Variants in SLC38A6 observed in about 807,000 individuals in gnomAD.
SLC38A6 encodes N system amino acid transporter NAT-1.
In SLC38A6, 73 loss-of-function variants were observed where a neutral mutation model predicts 65.0. The ratio of observed to expected loss-of-function variants is 1.12; its 90% CI spans 0.93 to 1.37. The LOEUF is 1.37. SLC38A6 is among the 40% of genes most tolerant of loss of function. The pLI, the probability that SLC38A6 is intolerant of heterozygous loss-of-function variation, is 0.00. For synonymous variants in SLC38A6, 183 were observed against 178.8 expected (o/e 1.02, Z -0.19); for missense variants, 561 against 531.1 (o/e 1.06, Z -0.55).
chr14:61,076,400 C>T (rs1440832737), intron 15 of SLC38A6, among the ~76,000 whole-genome samples: 1 of 152,162 alleles, frequency 6.6e-6, no homozygotes, highest in African/African-American at 2.4e-5. Context: ...GGTTCTATGC[C>T]AAGCACATTC....
intron 15 of SLC38A6, among the ~76,000 whole-genome samples, chr14:61,078,025 A>C (rs981339416): frequency 6.6e-6 from 1 of 152,206 alleles, no homozygotes; most frequent in Non-Finnish European, 1.5e-5. Flanking sequence ...ATTTTTCTTT[A>C]GTTGGTAAAC....
At chr14:61,012,581 G>T (rs926950456) in intron 3 of SLC38A6, among the ~76,000 whole-genome samples, 2 of 152,126 alleles carry the variant, frequency 1.3e-5, no homozygotes, top group African/African-American at 4.8e-5. Context: ...CTGGTATGTT[G>T]TGTCTTTGTT....
chr14:61,010,546 A>C (rs1413263073), intron 3 of SLC38A6, among the ~76,000 whole-genome samples: 1 of 152,140 alleles, frequency 6.6e-6, no homozygotes, highest in Non-Finnish European at 1.5e-5. Flanking sequence ...ATCCATCTTG[A>C]ATTAATTTTT....
chr14:61,052,598 C>CA lies in SLC38A6; in HGVS notation c.*176dup. The CA allele has an allele frequency of 2.2e-6, 2 of 913,866 alleles. No homozygotes were observed. The highest frequency in any genetic ancestry group is 2.9e-6 in the Non-Finnish European group (2 of 689,050). The allele number at this position is 913,866 out of a possible 1,614,324, so 56.6% of individuals were successfully genotyped here. On this transcript the variant is annotated 3_prime_UTR_variant, in exon 16 of 16. Transcript: ENST00000267488. ...GAAGTAAGAGTGTGGCAGTTTTAAT[C>CA]AAAAAAAGAAACAAACTCGAAATGC... is the stretch of plus-strand genomic sequence containing the variant.
At position 61,050,524 on chromosome 14, in the gene SLC38A6, C is replaced by A; in HGVS notation, c.938C>A (p.Ser313Ter). 3 of 1,528,574 alleles carry A rather than the reference C, an allele frequency of 2.0e-6. No homozygotes were observed. The South Asian group carries it at 3.7e-5, about 19-fold the overall frequency. The allele number at this position is 1,528,574 out of a possible 1,614,324, so 94.7% of individuals were successfully genotyped here. ...ATTTTATTTACAGACAAAGTGGAGT[C>A]AGAATTACTAAAAGGTTATAGTAAA... The part of the protein sequence containing the change: ...GYLTFYDKVE[S>*]ELLKGYSKYL... The change falls in exon 13 of 16, where the codon TCA (serine) becomes TAA (stop). Residue 313 changes from serine (S) to a stop codon, truncating the protein, a stop_gained. Transcript: ENST00000267488. LOFTEE classifies it high-confidence loss of function.
chr14:61,016,392 C>T (rs1197116742), intron 4 of SLC38A6, among the ~76,000 whole-genome samples: 2 of 152,080 alleles, frequency 1.3e-5, no homozygotes, highest in East Asian at 3.9e-4. Context: ...TTGAACATTG[C>T]TACAAGATTA....
chr14:60,982,485 C>A (rs960835200), intron 1 of SLC38A6, 23 bp from the exon 2 acceptor site: 2 of 1,600,220 alleles, frequency 1.2e-6, no homozygotes, highest in African/African-American at 2.7e-5. Context: ...ACATTTAACA[C>A]TACTAAATTT....
At chr14:60,982,789 T>C in intron 2 of SLC38A6, 151 bp downstream of exon 2, 1 of 872,122 alleles carries the variant, frequency 1.1e-6, no homozygotes, top group Non-Finnish European at 1.7e-6. Context: ...TTGTTGCTAG[T>C]GTGTACCTTG....
At chr14:61,072,019 A>G (rs1362467012) in intron 15 of SLC38A6, among the ~76,000 whole-genome samples, 2 of 151,968 alleles carry the variant, frequency 1.3e-5, no homozygotes, top group Non-Finnish European at 2.9e-5. Flanking sequence ...CTTAGGCGAG[A>G]TGCTTAGTCT....
At chr14:61,028,675 G>GT (rs2040748956) in intron 5 of SLC38A6, among the ~76,000 whole-genome samples, 1 of 152,244 alleles carries the variant, frequency 6.6e-6, no homozygotes, top group East Asian at 1.9e-4. Flanking sequence ...TCAACCCACT[G>GT]AGACATAGCT....
rs912771712 is a variant in SLC38A6, at chr14:61,011,629, A to G, written c.311-4275A>G. Among the ~76,000 whole-genome samples, 73 of 152,284 alleles carry G rather than the reference A, an allele frequency of 4.8e-4. 1 individual carries two copies. Among genetic ancestry groups the G allele is most frequent in the African/African-American group, 1.5e-3 (62 of 41,562 alleles). On this transcript the variant is annotated intron_variant, in intron 3 of 15. Coordinates refer to ENST00000267488, the MANE Select transcript of SLC38A6 (RefSeq NM_153811.3). ...TTTGCCAAAGGCCTTTTCTGCATCT[A>G]TTGAGATAATCATGTGGTTTTTGTC...
chr14:61,039,537 T>G (rs2041646092), intron 8 of SLC38A6, among the ~76,000 whole-genome samples: 1 of 149,282 alleles, frequency 6.7e-6, no homozygotes, highest in Admixed American at 6.7e-5. Flanking sequence ...TTTTTTTTTT[T>G]TTTTTGTATT....
At chr14:61,082,936 TC>T (rs1414243250) in intron 16 of SLC38A6, among the ~76,000 whole-genome samples, 2 of 152,340 alleles carry the variant, frequency 1.3e-5, no homozygotes, top group East Asian at 3.9e-4. Flanking sequence ...CACAGTGTTT[TC>T]TCAGTGTCCT....
intron 6 of SLC38A6, chr14:61,034,079 C>T (rs559937368): frequency 2.6e-5 from 4 of 152,092 alleles, no homozygotes; most frequent in Admixed American, 6.6e-5. Context: ...CTCTAACATT[C>T]CATAACTGTG....
intron 16 of SLC38A6, among the ~76,000 whole-genome samples, chr14:61,080,264 T>TCC (rs1379417706): frequency 6.6e-6 from 1 of 152,122 alleles, no homozygotes; most frequent in Non-Finnish European, 1.5e-5. Flanking sequence ...CCTAATTCCA[T>TCC]CCCTCCAAAT....
chr14:61,055,100 C>CTTTTT (rs1594762769), downstream of SLC38A6, among the ~76,000 whole-genome samples: 1 of 31,830 alleles, frequency 3.1e-5, no homozygotes. Flanking sequence ...TTTTTTAAGT[C>CTTTTT]TTTTTCTTTT....
chr14:61,055,342 C>T, downstream of SLC38A6, among the ~76,000 whole-genome samples: 1 of 35,878 alleles, frequency 2.8e-5, no homozygotes, highest in Non-Finnish European at 6.0e-5. Context: ...TGTTCAATTC[C>T]CACCTATGAG....
At chr14:61,062,552 C>T (rs1450388750) in intron 15 of SLC38A6, among the ~76,000 whole-genome samples, 4 of 151,538 alleles carry the variant, frequency 2.6e-5, no homozygotes, top group Non-Finnish European at 5.9e-5. Flanking sequence ...GATTTAAATT[C>T]CTGGGCTCAA....
At chr14:61,068,327 C>T (rs1048987191) in intron 15 of SLC38A6, among the ~76,000 whole-genome samples, 1 of 152,172 alleles carries the variant, frequency 6.6e-6, no homozygotes, top group African/African-American at 2.4e-5. Context: ...TTTAAAAATT[C>T]AAATCAGATT....
Sources: allele counts gnomAD v4.1 joint callset (sites outside exome capture counted in the v4.1 genomes callset), GRCh38; gene constraint gnomAD v4.1.1; transcripts MANE v1.5; gene names NCBI Gene and HGNC (gene_info 2026-07-23, HGNC 2026-07-21).